Variants in QKI observed in about 807,000 individuals in gnomAD.
The protein encoded by QKI is KH domain-containing RNA-binding protein QKI.
A neutral mutation model predicts 39.0 loss-of-function variants in QKI; 10 were observed. The ratio of observed to expected loss-of-function variants is 0.26; its 90% CI spans 0.16 to 0.43. The LOEUF (loss-of-function observed/expected upper bound fraction) is 0.43, where lower values mean the gene tolerates loss of function less well. Ranked by LOEUF, QKI falls within the 20% of genes least tolerant of loss-of-function variation. The pLI is 1.00. For synonymous variants in QKI, 204 were observed against 155.4 expected (o/e 1.31, Z -2.33); for missense variants, 218 against 428.0 (o/e 0.51, Z 4.33).
chr6:163,470,440 A>T (rs1792099557), intron 2 of QKI, among the ~76,000 whole-genome samples: 1 of 152,106 alleles, frequency 6.6e-6, no homozygotes, highest in African/African-American at 2.4e-5. Flanking sequence ...GCAGAAGCTG[A>T]TATGTATCTT....
intron 6 of QKI, 55 bp downstream of exon 6, chr6:163,563,774 C>G (rs760476034): frequency 6.5e-7 from 1 of 1,545,154 alleles, no homozygotes. Flanking sequence ...TATTTTTGCT[C>G]CCTCAGATTT....
intron 2 of QKI, among the ~76,000 whole-genome samples, chr6:163,459,550 G>T (rs893107898): frequency 6.6e-6 from 1 of 152,182 alleles, no homozygotes; most frequent in African/African-American, 2.4e-5. Context: ...GAGAGAAGGG[G>T]ACTGAAATAA....
chr6:163,467,186 C>T (rs1172314158), intron 2 of QKI, among the ~76,000 whole-genome samples: 2 of 152,112 alleles, frequency 1.3e-5, no homozygotes, highest in African/African-American at 2.4e-5. Context: ...CGTGTACATG[C>T]GTGGGCACAG....
intron 2 of QKI, among the ~76,000 whole-genome samples, chr6:163,466,485 T>TCA (rs1791765109): frequency 6.6e-6 from 1 of 152,160 alleles, no homozygotes; most frequent in Non-Finnish European, 1.5e-5. Flanking sequence ...GTTCCTGATT[T>TCA]CAAATTATAT....
intron 2 of QKI, among the ~76,000 whole-genome samples, chr6:163,464,152 G>C (rs1336479398): frequency 2.0e-5 from 3 of 152,084 alleles, no homozygotes; most frequent in African/African-American, 7.2e-5. Context: ...CTGAAGTCAG[G>C]AACTCGCTCT....
At chr6:163,450,623 T>TA (rs1332996710) in intron 1 of QKI, among the ~76,000 whole-genome samples, 2 of 151,972 alleles carry the variant, frequency 1.3e-5, no homozygotes, top group East Asian at 3.9e-4. Flanking sequence ...AGTTGAGCCT[T>TA]AGTTTGGAAA....
chr6:163,569,882 T>A (rs1021121950), intron 7 of QKI: 1 of 986,826 alleles, frequency 1.0e-6, no homozygotes, highest in Non-Finnish European at 1.2e-6. Flanking sequence ...TTAGAGCTTT[T>A]TGAGTGTAGA....
chr6:163,543,233 T>A (rs1339798943), intron 4 of QKI, among the ~76,000 whole-genome samples: 1 of 152,086 alleles, frequency 6.6e-6, no homozygotes, highest in East Asian at 1.9e-4. Flanking sequence ...ATATTGATCA[T>A]TGAAATTTGT....
rs924287996 is a variant in QKI, at chr6:163,572,313, A to G, written c.*1603A>G. 2 of 152,168 alleles carry G rather than the reference A, an allele frequency of 1.3e-5. No individual in the cohort carries two copies. Among genetic ancestry groups the G allele is most frequent in the African/African-American group, 4.8e-5 (2 of 41,432 alleles). The allele number at this position is 152,168 out of a possible 1,614,324, so 9.4% of individuals were successfully genotyped here. A position where few individuals can be genotyped will look rare whatever the true frequency, so the allele number is the denominator to read the frequency against. ...ATTGAATATAATAGGATACCTAGCAAATGTTTTCACAAAAGTGAATCTTTG... is the reference window on the plus strand; with the variant it reads ...ATTGAATATAATAGGATACCTAGCAGATGTTTTCACAAAAGTGAATCTTTG... On this transcript the variant is annotated 3_prime_UTR_variant, in exon 8 of 8. Coordinates refer to ENST00000361752, the MANE Select transcript of QKI (RefSeq NM_006775.3).
Position 163,574,398 on chromosome 6 carries a change from G to A in QKI, c.*3688G>A, listed in dbSNP as rs1783864141. The A allele has an allele frequency of 6.6e-6, 1 of 152,088 alleles. No homozygotes were observed. Among genetic ancestry groups the A allele is most frequent in the South Asian group, 2.1e-4 (1 of 4,824 alleles). The allele number at this position is 152,088 out of a possible 1,614,324, so 9.4% of individuals were successfully genotyped here. Reference sequence around the variant, plus strand: ...ACTCCTATTAGGGGAGCTTAACTTGGGTAAAGTCAAAGGCCCACTGGCTGT... The same window carrying A: ...ACTCCTATTAGGGGAGCTTAACTTGAGTAAAGTCAAAGGCCCACTGGCTGT... On this transcript the variant is annotated 3_prime_UTR_variant, in exon 8 of 8. Transcript: ENST00000361752.
At chr6:163,514,745 AAAAT>A (rs1246653651) in intron 3 of QKI, among the ~76,000 whole-genome samples, 1 of 152,230 alleles carries the variant, frequency 6.6e-6, no homozygotes, top group Non-Finnish European at 1.5e-5. Context: ...TGCATATGCA[AAAAT>A]AAATCTTTTG....
At chr6:163,494,572 C>A (rs1454392037) in intron 3 of QKI, among the ~76,000 whole-genome samples, 3 of 152,106 alleles carry the variant, frequency 2.0e-5, no homozygotes, top group African/African-American at 7.2e-5. Flanking sequence ...AACAAGATGA[C>A]ACACCACCAC....
intron 1 of QKI, among the ~76,000 whole-genome samples, chr6:163,435,977 A>G (rs1250812525): frequency 6.6e-6 from 1 of 152,202 alleles, no homozygotes; most frequent in Admixed American, 6.5e-5. Context: ...TTTCTTAGGA[A>G]TAACCAAACC....
rs1787330100 is a variant in QKI at position 163,415,156 on chromosome 6, C to T, written c.-38C>T. ...CCTCCCTCCTCTCCGGCGGCGGCGG[C>T]GGCGGCGGCGGGCGGAGTGAGCTGC... is the stretch of plus-strand genomic sequence containing the variant. On this transcript the variant is annotated 5_prime_UTR_variant, in exon 1 of 8. Transcript: ENST00000361752. The T allele has an allele frequency of 7.7e-6, 11 of 1,420,190 alleles. No individual in the cohort carries two copies. Among genetic ancestry groups the T allele is most frequent in the South Asian group, 1.3e-5 (1 of 75,366 alleles). 88.0% of individuals were successfully genotyped at this position (1,420,190 alleles called of 1,614,324 possible). A position where few individuals can be genotyped will look rare whatever the true frequency, so the allele number is the denominator to read the frequency against.
At chr6:163,564,746 A>G (rs762369737) in intron 6 of QKI, 19 of 1,613,992 alleles carry the variant, frequency 1.2e-5, no homozygotes, top group Middle Eastern at 3.3e-4. Context: ...AGCAGCTGTT[A>G]TAACACGACC....
At chr6:163,531,669 T>TTTTA (rs1290284738) in intron 3 of QKI, among the ~76,000 whole-genome samples, 2 of 152,182 alleles carry the variant, frequency 1.3e-5, no homozygotes, top group Non-Finnish European at 2.9e-5. Context: ...AGTTTGGACA[T>TTTTA]TTTATTTATT....
At chr6:163,554,190 G>A (rs1239604671) in intron 4 of QKI, among the ~76,000 whole-genome samples, 1 of 152,204 alleles carries the variant, frequency 6.6e-6, no homozygotes, top group Admixed American at 6.5e-5. Context: ...GATGAGACTG[G>A]TTCTAGAGGT....
intron 2 of QKI, 55 bp downstream of exon 2, chr6:163,455,476 A>T: frequency 6.7e-7 from 1 of 1,501,474 alleles, no homozygotes; most frequent in Non-Finnish European, 9.1e-7. Context: ...TATGTTGGGA[A>T]GAGATATATT....
chr6:163,459,877 A>G (rs1791218071), intron 2 of QKI, among the ~76,000 whole-genome samples: 1 of 152,262 alleles, frequency 6.6e-6, no homozygotes, highest in Non-Finnish European at 1.5e-5. Context: ...TATTTAGACC[A>G]TCAAATTGTT....
Sources: allele counts gnomAD v4.1 joint callset (sites outside exome capture counted in the v4.1 genomes callset), GRCh38; gene constraint gnomAD v4.1.1; transcripts MANE v1.5; gene names NCBI Gene and HGNC (gene_info 2026-07-23, HGNC 2026-07-21).